CADPS2: variants seen among roughly 807,000 people sequenced by gnomAD.
CADPS2 encodes calcium dependent secretion activator 2.
Under a neutral mutation model 172.5 loss-of-function variants are expected in CADPS2, and 93 were observed. The ratio of observed to expected loss-of-function variants is 0.54; its 90% CI spans 0.46 to 0.64. CADPS2 has a LOEUF of 0.64. Among genes scored for constraint, CADPS2 ranks in the 30% least tolerant of loss-of-function variants. CADPS2 has a pLI of 0.00. For missense variants in CADPS2, 1,420 were observed against 1,565.9 expected (o/e 0.91, Z 1.57); for synonymous variants, 546 against 555.2 (o/e 0.98, Z 0.23).
At chr7:122,821,013 A>T (rs1803100596) in intron 1 of CADPS2, among the ~76,000 whole-genome samples, 1 of 151,862 alleles carries the variant, frequency 6.6e-6, no homozygotes, top group Non-Finnish European at 1.5e-5. Flanking sequence ...TACCTGACGC[A>T]TATACTTTCT....
chr7:122,769,190 A>ACT lies in CADPS2; in HGVS notation c.340-32124_340-32123dup, dbSNP rs1302674138. Among the ~76,000 whole-genome samples the ACT allele has an allele frequency of 2.6e-5, 4 of 152,148 alleles. No individual in the cohort carries two copies. In the East Asian group the frequency reaches 7.7e-4, roughly 29 times the overall value. ...TAGTTTATGATTATCACATAAGAAG[A>ACT]CTCTTAGTTTGTATTCTTTCACCAA... On this transcript the variant is annotated intron_variant, in intron 1 of 29. Transcript: ENST00000449022.
chr7:122,443,947 G>A (rs1327337346), intron 15 of CADPS2, among the ~76,000 whole-genome samples: 3 of 151,960 alleles, frequency 2.0e-5, no homozygotes, highest in African/African-American at 7.2e-5. Flanking sequence ...ATATACTTGT[G>A]ACTATAATCA....
intron 8 of CADPS2, among the ~76,000 whole-genome samples, chr7:122,531,995 C>T (rs1197225783): frequency 6.6e-6 from 1 of 150,746 alleles, no homozygotes; most frequent in Non-Finnish European, 1.5e-5. Context: ...CGTGCCATTG[C>T]ACTCCAGCCT....
intron 3 of CADPS2, among the ~76,000 whole-genome samples, chr7:122,639,206 G>C (rs528350213): frequency 1.3e-5 from 2 of 152,064 alleles, no homozygotes; most frequent in African/African-American, 2.4e-5. Context: ...GTTGGTTAAC[G>C]TTCTTTTTTA....
intron 3 of CADPS2, among the ~76,000 whole-genome samples, chr7:122,630,228 G>A (rs996575665): frequency 1.3e-5 from 2 of 152,082 alleles, no homozygotes; most frequent in Non-Finnish European, 2.9e-5. Context: ...ACACCAATGA[G>A]AAAACAGTTT....
chr7:122,350,321 T>C (rs1266825977), intron 27 of CADPS2, among the ~76,000 whole-genome samples: 3 of 152,210 alleles, frequency 2.0e-5, no homozygotes, highest in Non-Finnish European at 2.9e-5. Context: ...TCATAGAACA[T>C]AGTTCTACAA....
intron 4 of CADPS2, among the ~76,000 whole-genome samples, chr7:122,623,952 C>T (rs915744519): frequency 2.6e-5 from 4 of 152,152 alleles, no homozygotes; most frequent in African/African-American, 7.2e-5. Context: ...TAACTATAAA[C>T]ACTTCATGAA....
chr7:122,519,734 T>G (rs576880384), intron 8 of CADPS2, among the ~76,000 whole-genome samples: 41 of 152,124 alleles, frequency 2.7e-4, no homozygotes, highest in Non-Finnish European at 4.0e-4. Flanking sequence ...ATCAGAGATA[T>G]GAAGAAACTA....
intron 7 of CADPS2, among the ~76,000 whole-genome samples, chr7:122,573,128 C>A (rs936847198): frequency 1.8e-4 from 28 of 152,182 alleles, no homozygotes; most frequent in African/African-American, 6.5e-4. Flanking sequence ...CTATTTATAC[C>A]AGTGCTTCTC....
At chr7:122,649,119 G>T (rs920764056) in intron 3 of CADPS2, among the ~76,000 whole-genome samples, 3 of 150,988 alleles carry the variant, frequency 2.0e-5, no homozygotes, top group African/African-American at 7.3e-5. Flanking sequence ...AGTATATAAG[G>T]CCCTAAATAT....
chr7:122,716,652 C>T (rs959367526), intron 2 of CADPS2, among the ~76,000 whole-genome samples: 2 of 152,074 alleles, frequency 1.3e-5, no homozygotes, highest in African/African-American at 4.8e-5. Context: ...ACGTTGTGCA[C>T]ATGTACCCTA....
At chr7:122,640,468 T>C (rs559793083) in intron 3 of CADPS2, among the ~76,000 whole-genome samples, 39 of 134,120 alleles carry the variant, frequency 2.9e-4, no homozygotes, top group African/African-American at 1.0e-3. Flanking sequence ...TGCACACACA[T>C]ATACACACAC....
intron 11 of CADPS2, among the ~76,000 whole-genome samples, 190 bp from the exon 12 acceptor site, chr7:122,481,050 C>A (rs1027569281): frequency 2.0e-5 from 3 of 151,788 alleles, no homozygotes; most frequent in Admixed American, 6.6e-5. Context: ...GAGGAAAATA[C>A]TATGGATGAA....
chr7:122,708,377 T>C (rs963422239), intron 2 of CADPS2, among the ~76,000 whole-genome samples: 1 of 150,972 alleles, frequency 6.6e-6, no homozygotes, highest in Non-Finnish European at 1.5e-5. Context: ...AGTAAGAGTA[T>C]AGGATAGTTA....
In CADPS2 at chr7:122,675,068, C is replaced by T. The variant is rs1011425263; in HGVS notation, c.454-11499G>A. On this transcript the variant is annotated intron_variant, in intron 2 of 29. Coordinates refer to ENST00000449022, the MANE Select transcript of CADPS2 (RefSeq NM_017954.11). ...GAAACATTTTACTTCCTGATTCATA[C>T]GTGTTGTAATCCAAACTTAAAAGAG... 3.3e-5 allele frequency among the ~76,000 whole-genome samples: 5 copies of T among 152,104 alleles called. No homozygotes were observed. The East Asian group carries it at 9.6e-4, about 29-fold the overall frequency.
At chr7:122,807,442 T>C (rs960219164) in intron 1 of CADPS2, among the ~76,000 whole-genome samples, 1 of 152,230 alleles carries the variant, frequency 6.6e-6, no homozygotes, top group African/African-American at 2.4e-5. Flanking sequence ...ATGGACCAAC[T>C]CTGGCCTGGA....
At chr7:122,497,227 C>T (rs188256890) in intron 9 of CADPS2, among the ~76,000 whole-genome samples, 1 of 152,022 alleles carries the variant, frequency 6.6e-6, no homozygotes, top group East Asian at 1.9e-4. Context: ...TTTTAGATCT[C>T]TATGAACAAC....
intron 15 of CADPS2, among the ~76,000 whole-genome samples, chr7:122,446,115 T>C (rs2402612): frequency 0.27 from 41,484 of 152,074 alleles, 6,108 homozygotes; most frequent in East Asian, 0.38. Flanking sequence ...CTACCATCCA[T>C]GCCCTTAACT....
At position 122,360,553 on chromosome 7, in the gene CADPS2, G is replaced by A. The variant is rs1202799021; in HGVS notation, c.3504+235C>T. 1.3e-5 allele frequency among the ~76,000 whole-genome samples: 2 copies of A among 152,112 alleles called. 1 individual carries two copies. The highest frequency in any genetic ancestry group is 1.3e-4 in the Admixed American group (2 of 15,266). On this transcript the variant is annotated intron_variant, in intron 27 of 29. Transcript: ENST00000449022. ...GCTATAACTTCCCTCTGCAACTCAG[G>A]TGATATGTTCTTATGATGAACTGAT... is the stretch of plus-strand genomic sequence containing the variant.
Sources: gnomAD v4.1 joint callset for allele counts (sites outside exome capture counted in the v4.1 genomes callset) on GRCh38, gnomAD v4.1.1 for gene constraint, MANE v1.5 for transcripts, NCBI Gene and HGNC (gene_info 2026-07-23, HGNC 2026-07-21) for gene names.